PGS1: variants seen among roughly 807,000 people sequenced by gnomAD.
PGS1 encodes the protein phosphatidylglycerophosphate synthase 1, also known as CDP-diacylglycerol--glycerol-3-phosphate 3-phosphatidyltransferase, mitochondrial.
In PGS1, 44 loss-of-function variants were observed where a neutral mutation model predicts 58.3. That is an observed-to-expected ratio of 0.75 (90% CI 0.59 to 0.97). PGS1 has a LOEUF of 0.97. Among genes scored for constraint, PGS1 ranks in the 50% least tolerant of loss-of-function variants. The pLI, the probability that PGS1 is intolerant of heterozygous loss-of-function variation, is 0.00. For synonymous variants in PGS1, 330 were observed against 311.0 expected (o/e 1.06, Z -0.64); for missense variants, 684 against 731.1 (o/e 0.94, Z 0.74).
intron 2 of PGS1, among the ~76,000 whole-genome samples, chr17:78,394,633 AC>A (rs2083090914): frequency 6.6e-6 from 1 of 150,522 alleles, no homozygotes; most frequent in Admixed American, 6.6e-5. Flanking sequence ...TCGGCTCATC[AC>A]AACCTCTGCC....
intron 6 of PGS1, among the ~76,000 whole-genome samples, chr17:78,402,944 C>T (rs1238632366): frequency 2.6e-5 from 4 of 152,172 alleles, no homozygotes; most frequent in Admixed American, 2.6e-4. Flanking sequence ...ATACAAAAGG[C>T]ACCCCATGCA....
chr17:78,405,654 C>G (rs1212840971), intron 7 of PGS1, among the ~76,000 whole-genome samples: 1 of 152,220 alleles, frequency 6.6e-6, no homozygotes, highest in Non-Finnish European at 1.5e-5. Context: ...GGGAGGGTGC[C>G]CGCCTCTAGC....
At chr17:78,393,580 G>A (rs2082994325) in intron 2 of PGS1, among the ~76,000 whole-genome samples, 1 of 152,188 alleles carries the variant, frequency 6.6e-6, no homozygotes, top group Admixed American at 6.5e-5. Context: ...GGTAGATGTA[G>A]TAGGAAGTAA....
intron 6 of PGS1, among the ~76,000 whole-genome samples, chr17:78,403,205 C>A (rs1162237886): frequency 6.6e-6 from 1 of 152,194 alleles, no homozygotes; most frequent in African/African-American, 2.4e-5. Flanking sequence ...GACCTGCTTC[C>A]TGGAGGCCCC....
intron 1 of PGS1, among the ~76,000 whole-genome samples, chr17:78,380,302 G>A (rs942515346): frequency 3.9e-5 from 6 of 152,156 alleles, no homozygotes; most frequent in African/African-American, 1.4e-4. Flanking sequence ...TTGACCTCCT[G>A]GGGTCAGACA....
intron 1 of PGS1, among the ~76,000 whole-genome samples, chr17:78,389,717 G>A (rs1244189346): frequency 3.3e-5 from 5 of 152,150 alleles, no homozygotes; most frequent in Non-Finnish European, 7.4e-5. Flanking sequence ...GGGTTCAAGC[G>A]ATTCTCCTGC....
chr17:78,395,190 C>T (rs578205293), intron 2 of PGS1, among the ~76,000 whole-genome samples: 5 of 152,334 alleles, frequency 3.3e-5, no homozygotes, highest in African/African-American at 9.6e-5. Context: ...GCTGTGGGGC[C>T]TGGTGTCCTG....
chr17:78,411,935 TAGGGTTTCTCTCTGTTGCCC>T (rs2084751688), intron 7 of PGS1, among the ~76,000 whole-genome samples: 3 of 102,636 alleles, frequency 2.9e-5, no homozygotes, highest in African/African-American at 1.1e-4. Flanking sequence ...TTTTTTGAGA[TAGGGTTTCTCTCTGTTGCCC>T]AGGCTGGAGT....
intron 3 of PGS1, among the ~76,000 whole-genome samples, chr17:78,397,037 A>G (rs1456807104): frequency 6.6e-6 from 1 of 152,208 alleles, no homozygotes; most frequent in Non-Finnish European, 1.5e-5. Context: ...CGTTCTGCCA[A>G]GGGCTGGTGT....
At chr17:78,398,207 AC>A (rs763043750) in intron 3 of PGS1, 44 bp from the exon 4 acceptor site, 4 of 1,350,984 alleles carry the variant, frequency 3.0e-6, no homozygotes, top group Non-Finnish European at 4.3e-6. Flanking sequence ...AAATACACAC[AC>A]CTCTTTGGGT....
Position 78,403,596 on chromosome 17 carries a change from C to T in PGS1, c.909C>T (p.Ala303=). 1 of 1,613,184 alleles carries T rather than the reference C, an allele frequency of 6.2e-7. No individual in the cohort carries two copies. The highest frequency in any genetic ancestry group is 8.5e-7 in the Non-Finnish European group (1 of 1,179,236). ...KGDRAEYCKA[A]NKRVMDVINS... ...ACCGGGCCGAGTACTGCAAGGCAGC[C>T]AATAAGAGGGTCATGGATGTGATCA... The change falls in exon 7 of 10, where the codon GCC becomes GCT. Residue 303 remains alanine, a synonymous_variant. Coordinates refer to ENST00000262764, the MANE Select transcript of PGS1 (RefSeq NM_024419.5).
chr17:78,398,782 G>GT (rs773713750), intron 4 of PGS1, among the ~76,000 whole-genome samples: 3 of 152,232 alleles, frequency 2.0e-5, no homozygotes, highest in Non-Finnish European at 4.4e-5. Context: ...TCCCCTAGCT[G>GT]TTTCCTTTGG....
chr17:78,385,018 A>G (rs981470176), intron 1 of PGS1, among the ~76,000 whole-genome samples: 1 of 152,256 alleles, frequency 6.6e-6, no homozygotes, highest in African/African-American at 2.4e-5. Context: ...GAGGGGTGCC[A>G]GTGTTTTCCA....
intron 1 of PGS1, among the ~76,000 whole-genome samples, chr17:78,386,725 C>T (rs1173339256): frequency 6.6e-6 from 1 of 152,190 alleles, no homozygotes; most frequent in East Asian, 1.9e-4. Context: ...GTGGTCAGCC[C>T]CTGGAGGCTG....
chr17:78,403,345 G>C (rs1196874109), intron 6 of PGS1, among the ~76,000 whole-genome samples: 3 of 151,990 alleles, frequency 2.0e-5, no homozygotes, highest in Non-Finnish European at 4.4e-5. Flanking sequence ...TTTCACTTCT[G>C]CCTGAGTGTG....
At chr17:78,402,352 G>T (rs1488370529) in intron 6 of PGS1, among the ~76,000 whole-genome samples, 1 of 151,640 alleles carries the variant, frequency 6.6e-6, no homozygotes, top group African/African-American at 2.4e-5. Flanking sequence ...TTGGACAGTT[G>T]ATATTCTCCA....
At chr17:78,411,199 G>A (rs967253812) in intron 7 of PGS1, among the ~76,000 whole-genome samples, 7 of 152,180 alleles carry the variant, frequency 4.6e-5, no homozygotes, top group Non-Finnish European at 8.8e-5. Context: ...TCGACCACAT[G>A]GGGCTTGCAG....
chr17:78,417,149 C>T (rs2085264741), intron 8 of PGS1, among the ~76,000 whole-genome samples: 1 of 152,324 alleles, frequency 6.6e-6, no homozygotes, highest in East Asian at 1.9e-4. Context: ...CCTCGAACAG[C>T]GTCGTAACCT....
Position 78,424,224 on chromosome 17 carries a change from G to A in PGS1, c.*174G>A, listed in dbSNP as rs1320998529. The A allele has an allele frequency of 1.3e-6, 2 of 1,532,976 alleles. No individual in the cohort carries two copies. The highest frequency in any genetic ancestry group is 1.8e-6 in the Non-Finnish European group (2 of 1,142,332). The allele number at this position is 1,532,976 out of a possible 1,614,324, so 95.0% of individuals were successfully genotyped here. ...GAGGGAGGGGCTGGCAGGAAGGGTG[G>A]GGTCCTCACACTCCCCGCCCTCTGC... On this transcript the variant is annotated 3_prime_UTR_variant, in exon 10 of 10. Transcript: ENST00000262764.
Sources: gnomAD v4.1 joint callset for allele counts (sites outside exome capture counted in the v4.1 genomes callset) on GRCh38, gnomAD v4.1.1 for gene constraint, MANE v1.5 for transcripts, NCBI Gene and HGNC (gene_info 2026-07-23, HGNC 2026-07-21) for gene names.